ADARB2: variants seen among roughly 807,000 people sequenced by gnomAD.
ADARB2 encodes the protein inactive double-stranded RNA-specific editase B2.
ADARB2 carries 25 observed loss-of-function variants against 62.2 expected under a neutral mutation model. That is an observed-to-expected ratio of 0.40 (90% confidence interval 0.29 to 0.56). The LOEUF is 0.56. Among genes scored for constraint, ADARB2 ranks in the 20% least tolerant of loss-of-function variants. The probability of loss-of-function intolerance (pLI) is 0.43; values close to 1 mark genes in which losing one functional copy is unlikely to be tolerated. For synonymous variants in ADARB2, 572 were observed against 500.8 expected, an observed-to-expected ratio of 1.14 and a Z score of -1.90; for missense variants, 1,071 against 1,077.4, an observed-to-expected ratio of 0.99 and a Z score of 0.08.
At chr10:1,362,507 G>C (rs906747321) in intron 3 of ADARB2, among the ~76,000 whole-genome samples, 1 of 152,184 alleles carries the variant, frequency 6.6e-6, no homozygotes, top group Admixed American at 6.5e-5. Flanking sequence ...GGAAGGAACC[G>C]GAGGGGTCCT....
At chr10:1,301,371 G>C (rs1276797034) in intron 3 of ADARB2, among the ~76,000 whole-genome samples, 1 of 152,208 alleles carries the variant, frequency 6.6e-6, no homozygotes, top group African/African-American at 2.4e-5. Context: ...GGGGATAGCA[G>C]CCTTTGATAT....
rs567230611 is a variant in ADARB2 at position 1,181,914 on chromosome 10, T to C, written c.*1279A>G. The C allele has an allele frequency of 1.3e-5, 2 of 152,338 alleles. No individual in the cohort carries two copies. Among genetic ancestry groups the C allele is most frequent in the Admixed American group, 1.3e-4 (2 of 15,310 alleles). 9.4% of individuals were successfully genotyped at this position (152,338 alleles called of 1,614,324 possible). On this transcript the variant is annotated 3_prime_UTR_variant, in exon 10 of 10. Coordinates refer to ENST00000381312, the MANE Select transcript of ADARB2 (RefSeq NM_018702.4). ...ACTTGGAAAAGAGCCTGACCCCGTA[T>C]GAATACAGCGCCTTGGCTCTCAGGG...
chr10:1,529,759 C>T (rs1426472050), intron 1 of ADARB2, among the ~76,000 whole-genome samples: 1 of 152,236 alleles, frequency 6.6e-6, no homozygotes, highest in Non-Finnish European at 1.5e-5. Flanking sequence ...GACTTGCGGG[C>T]AGTGCTGCTG....
chr10:1,723,058 T>C (rs1439260416), intron 1 of ADARB2, among the ~76,000 whole-genome samples: 1 of 152,168 alleles, frequency 6.6e-6, no homozygotes, highest in African/African-American at 2.4e-5. Flanking sequence ...ACAACACATG[T>C]CACTAAGGTG....
chr10:1,322,551 G>A lies in ADARB2; in HGVS notation c.1077+40477C>T, dbSNP rs116575061. Among the ~76,000 whole-genome samples, 299 of 152,256 alleles carry A rather than the reference G, an allele frequency of 2.0e-3. 2 individuals are homozygous for A. Among genetic ancestry groups the A allele is most frequent in the African/African-American group, 7.0e-3 (291 of 41,532 alleles). ...TGATACCTATGAGGCTAATATTGAGGAAGGAGAATACAATATTAACAAAAC... is the reference window on the plus strand; with the variant it reads ...TGATACCTATGAGGCTAATATTGAGAAAGGAGAATACAATATTAACAAAAC... On this transcript the variant is annotated intron_variant, in intron 3 of 9. Transcript: ENST00000381312.
chr10:1,606,555 G>A (rs1016113816), intron 1 of ADARB2, among the ~76,000 whole-genome samples: 1 of 152,198 alleles, frequency 6.6e-6, no homozygotes, highest in Admixed American at 6.5e-5. Flanking sequence ...TCCCAAGTCC[G>A]AAGGAGACCA....
intron 2 of ADARB2, among the ~76,000 whole-genome samples, chr10:1,368,055 A>G (rs1832328545): frequency 6.6e-6 from 1 of 152,146 alleles, no homozygotes; most frequent in Admixed American, 6.5e-5. Context: ...TCCTCTGCAC[A>G]GGCCCCGATT....
At chr10:1,658,461 TTCTC>T (rs758412015) in intron 1 of ADARB2, among the ~76,000 whole-genome samples, 13 of 152,130 alleles carry the variant, frequency 8.5e-5, no homozygotes, top group South Asian at 6.2e-4. Flanking sequence ...TGTATCTCTT[TTCTC>T]TCTCTGTCTC....
At chr10:1,636,447 G>T (rs1250097676) in intron 1 of ADARB2, among the ~76,000 whole-genome samples, 2 of 152,126 alleles carry the variant, frequency 1.3e-5, no homozygotes, top group African/African-American at 4.8e-5. Context: ...AGCCTCAGAG[G>T]TTGAGGCTGC....
chr10:1,468,290 G>T (rs1831277759), intron 1 of ADARB2, among the ~76,000 whole-genome samples: 1 of 152,186 alleles, frequency 6.6e-6, no homozygotes, highest in Non-Finnish European at 1.5e-5. Context: ...GTTGCTGGCT[G>T]CCTGAGGCCA....
At chr10:1,610,733 T>C (rs1271743739) in intron 1 of ADARB2, among the ~76,000 whole-genome samples, 2 of 147,202 alleles carry the variant, frequency 1.4e-5, no homozygotes, top group African/African-American at 2.5e-5. Context: ...GGACTGTTCA[T>C]GGAGATGGGC....
intron 3 of ADARB2, among the ~76,000 whole-genome samples, chr10:1,281,814 T>C (rs1405568714): frequency 6.6e-6 from 1 of 152,236 alleles, no homozygotes; most frequent in African/African-American, 2.4e-5. Context: ...ATAATCCTTT[T>C]TTCTTTATTC....
intron 6 of ADARB2, among the ~76,000 whole-genome samples, chr10:1,220,242 AATG>A (rs1830679568): frequency 1.7e-5 from 1 of 59,584 alleles, no homozygotes; most frequent in African/African-American, 6.7e-5. Flanking sequence ...TGGTGGTGAT[AATG>A]GTGGTGGTGG....
At chr10:1,202,258 GTTTT>G (rs1185476846) in intron 7 of ADARB2, among the ~76,000 whole-genome samples, 1 of 151,692 alleles carries the variant, frequency 6.6e-6, no homozygotes, top group East Asian at 1.9e-4. Context: ...GTGTGTGTGT[GTTTT>G]TTTTAGACAG....
intron 1 of ADARB2, among the ~76,000 whole-genome samples, chr10:1,439,654 C>T (rs1160851463): frequency 3.6e-5 from 5 of 140,264 alleles, no homozygotes; most frequent in East Asian, 2.3e-4. Flanking sequence ...GGAGGCAGGT[C>T]CTTCACTATG....
intron 3 of ADARB2, chr10:1,361,689 G>A (rs914081798): frequency 6.6e-6 from 1 of 152,328 alleles, no homozygotes; most frequent in Non-Finnish European, 1.5e-5. Context: ...TGTGGTCTGT[G>A]TCACCCTGCA....
intron 1 of ADARB2, among the ~76,000 whole-genome samples, chr10:1,579,463 T>C (rs909622315): frequency 1.3e-5 from 2 of 152,162 alleles, no homozygotes; most frequent in African/African-American, 2.4e-5. Flanking sequence ...GACTATGATT[T>C]GAGAGATTGT....
chr10:1,250,925 A>G (rs1304970199), intron 4 of ADARB2, among the ~76,000 whole-genome samples: 1 of 152,194 alleles, frequency 6.6e-6, no homozygotes, highest in Non-Finnish European at 1.5e-5. Context: ...GAGTCCAGAA[A>G]TTGACCCAAC....
rs750126497 is a variant in ADARB2 at position 1,233,674 on chromosome 10, G to T, written c.1513+20C>A. The stretch of plus-strand genomic sequence containing the variant: ...GCTGGGGGCTGTTGGCCTACAGAAG[G>T]TAAAAGCATGGTCTCTTACGGTCTG... On this transcript the variant is annotated intron_variant, in intron 6 of 9. Transcript: ENST00000381312. 3 of 1,597,996 alleles carry T rather than the reference G, an allele frequency of 1.9e-6. No homozygotes were observed. The highest frequency in any genetic ancestry group is 2.6e-6 in the Non-Finnish European group (3 of 1,170,670).
Sources: allele counts gnomAD v4.1 joint callset (sites outside exome capture counted in the v4.1 genomes callset), GRCh38; gene constraint gnomAD v4.1.1; transcripts MANE v1.5; gene names NCBI Gene and HGNC (gene_info 2026-07-23, HGNC 2026-07-21).